PDZRN4: variants seen among roughly 807,000 people sequenced by gnomAD.
The protein encoded by PDZRN4 is PDZ domain-containing RING finger protein 4.
Under a neutral mutation model 99.0 loss-of-function variants are expected in PDZRN4, and 70 were observed. The observed-to-expected ratio is 0.71, with a 90% confidence interval of 0.58 to 0.86. PDZRN4 has a LOEUF of 0.86. Ranked by LOEUF, PDZRN4 falls within the 40% of genes least tolerant of loss-of-function variation. The pLI, the probability that PDZRN4 is intolerant of heterozygous loss-of-function variation, is 0.00. For missense variants in PDZRN4, 1,474 were observed against 1,331.2 expected (o/e 1.11, Z -1.67); for synonymous variants, 551 against 501.6 (o/e 1.10, Z -1.32).
intron 3 of PDZRN4, among the ~76,000 whole-genome samples, chr12:41,205,789 A>G (rs1464539700): frequency 7.0e-6 from 1 of 143,296 alleles, no homozygotes; most frequent in Non-Finnish European, 1.5e-5. Context: ...CTAGTGCAAC[A>G]AAAGATCAAA....
chr12:41,380,059 T>C (rs1408403685), intron 3 of PDZRN4, among the ~76,000 whole-genome samples: 1 of 152,108 alleles, frequency 6.6e-6, no homozygotes, highest in Non-Finnish European at 1.5e-5. Flanking sequence ...TTGTTATATC[T>C]TTTTGATGAA....
chr12:41,419,115 T>C (rs1243455130), intron 3 of PDZRN4, among the ~76,000 whole-genome samples: 1 of 152,216 alleles, frequency 6.6e-6, no homozygotes, highest in East Asian at 1.9e-4. Context: ...GCAATAACCC[T>C]GTATTAGGAG....
intron 3 of PDZRN4, among the ~76,000 whole-genome samples, chr12:41,260,249 A>C (rs1218193931): frequency 6.6e-6 from 1 of 152,116 alleles, no homozygotes; most frequent in Non-Finnish European, 1.5e-5. Context: ...GATAGGAACA[A>C]CAATACTTCA....
At chr12:41,525,799 T>G (rs1055707709) in intron 5 of PDZRN4, among the ~76,000 whole-genome samples, 2 of 152,092 alleles carry the variant, frequency 1.3e-5, no homozygotes, top group African/African-American at 4.8e-5. Flanking sequence ...GGAAGAATGC[T>G]CTGAGAAACA....
At chr12:41,533,537 G>A (rs1015678118) in intron 5 of PDZRN4, among the ~76,000 whole-genome samples, 3 of 152,112 alleles carry the variant, frequency 2.0e-5, no homozygotes, top group African/African-American at 7.2e-5. Context: ...TTGTCCAAAA[G>A]TATTTTTTAT....
intron 3 of PDZRN4, among the ~76,000 whole-genome samples, chr12:41,382,626 A>T (rs1250614353): frequency 6.6e-6 from 1 of 152,224 alleles, no homozygotes; most frequent in Non-Finnish European, 1.5e-5. Context: ...TGTACTAATC[A>T]GCAATCTCTC....
intron 5 of PDZRN4, among the ~76,000 whole-genome samples, chr12:41,526,483 A>G (rs1398665834): frequency 6.6e-6 from 1 of 152,202 alleles, no homozygotes; most frequent in East Asian, 1.9e-4. Flanking sequence ...CAATGCACGA[A>G]GAGTTGCCTT....
intron 3 of PDZRN4, among the ~76,000 whole-genome samples, chr12:41,494,587 A>T (rs1565597773): frequency 6.7e-6 from 1 of 149,148 alleles, no homozygotes; most frequent in African/African-American, 2.5e-5. Flanking sequence ...CATTTACTTT[A>T]TTTTTTTTTT....
intron 3 of PDZRN4, among the ~76,000 whole-genome samples, chr12:41,490,484 C>A (rs562545168): frequency 1.3e-5 from 2 of 151,996 alleles, no homozygotes; most frequent in Admixed American, 1.3e-4. Flanking sequence ...AATGCCATGT[C>A]GATTACAAAG....
chr12:41,321,493 AT>A (rs1951677344), intron 3 of PDZRN4, among the ~76,000 whole-genome samples: 1 of 152,278 alleles, frequency 6.6e-6, no homozygotes, highest in South Asian at 2.1e-4. Context: ...CTATATGCAG[AT>A]TTTGTGTGCT....
intron 3 of PDZRN4, among the ~76,000 whole-genome samples, chr12:41,469,238 GA>G (rs1952962375): frequency 6.6e-6 from 1 of 151,938 alleles, no homozygotes; most frequent in Admixed American, 6.6e-5. Context: ...ATTTATGTGT[GA>G]AAAAAGGTAC....
chr12:41,558,056 G>A (rs1180786169), intron 7 of PDZRN4, among the ~76,000 whole-genome samples: 1 of 152,082 alleles, frequency 6.6e-6, no homozygotes, highest in East Asian at 1.9e-4. Context: ...GAAATTAAAG[G>A]GACCATTTTC....
rs547029087 is a variant in PDZRN4 at position 41,505,802 on chromosome 12, C to G, written c.844-654C>G. On this transcript the variant is annotated intron_variant, in intron 3 of 9. Transcript: ENST00000402685. ...TCAGAGGAATTTTAGAGCATTGCTTCTTTCAGTGAATATAAATATAAAGCC... is the reference window on the plus strand; with the variant it reads ...TCAGAGGAATTTTAGAGCATTGCTTGTTTCAGTGAATATAAATATAAAGCC... Among the ~76,000 whole-genome samples, 2 of 149,886 alleles carry G rather than the reference C, an allele frequency of 1.3e-5. 1 individual carries two copies. Among genetic ancestry groups the G allele is most frequent in the East Asian group, 5.0e-4 (2 of 3,984 alleles).
rs74569207 is a variant in PDZRN4, at chr12:41,552,661, C to T, written c.1209C>T (p.Val403=). The change falls in exon 6 of 10, where the codon GTC becomes GTT. Residue 403 remains valine, a synonymous_variant. Coordinates refer to ENST00000402685, the MANE Select transcript of PDZRN4 (RefSeq NM_001164595.2). ...TGTGTGTGTTGTTCTTTCAGGAGGT[C>T]GAGTTGTGTCGTGTTAGCAGTCAAG... ...DRTEDFEYEE[V]ELCRVSSQEK... is the part of the protein sequence containing the mutation. The T allele has an allele frequency of 3.1e-3, 4,995 of 1,612,486 alleles. 241 individuals carry two copies. In the East Asian group the frequency reaches 0.1, roughly 33 times the overall value.
chr12:41,343,172 G>T (rs1176026243), intron 3 of PDZRN4, among the ~76,000 whole-genome samples: 1 of 151,778 alleles, frequency 6.6e-6, no homozygotes, highest in African/African-American at 2.4e-5. Flanking sequence ...GATTTAATCT[G>T]GGAGGGTTGT....
chr12:41,544,257 A>G (rs1358140003), intron 5 of PDZRN4, among the ~76,000 whole-genome samples: 1 of 152,232 alleles, frequency 6.6e-6, no homozygotes, highest in African/African-American at 2.4e-5. Context: ...TTTTAATTTT[A>G]CAGTTCATTT....
At chr12:41,381,375 T>C (rs544746625) in intron 3 of PDZRN4, among the ~76,000 whole-genome samples, 12 of 152,156 alleles carry the variant, frequency 7.9e-5, no homozygotes, top group African/African-American at 2.6e-4. Flanking sequence ...ATAGTTTTGC[T>C]TGATGGTATG....
At chr12:41,391,505 T>C (rs370574791) in intron 3 of PDZRN4, among the ~76,000 whole-genome samples, 2 of 152,172 alleles carry the variant, frequency 1.3e-5, no homozygotes, top group African/African-American at 4.8e-5. Flanking sequence ...CAAGAGAGAA[T>C]TGACATGATA....
At chr12:41,278,271 A>T (rs1951362848) in intron 3 of PDZRN4, among the ~76,000 whole-genome samples, 1 of 152,232 alleles carries the variant, frequency 6.6e-6, no homozygotes, top group Non-Finnish European at 1.5e-5. Flanking sequence ...TGGAAGAAAA[A>T]CATAGACACA....
Sources: allele counts gnomAD v4.1 joint callset (sites outside exome capture counted in the v4.1 genomes callset), GRCh38; gene constraint gnomAD v4.1.1; transcripts MANE v1.5; gene names NCBI Gene and HGNC (gene_info 2026-07-23, HGNC 2026-07-21).